Variants in SAAL1 observed in about 807,000 individuals in gnomAD.
SAAL1 encodes the protein serum amyloid A like 1.
In SAAL1, 42 loss-of-function variants were observed where a neutral mutation model predicts 59.8. That is an observed-to-expected ratio of 0.70 (90% confidence interval 0.55 to 0.91). The LOEUF (loss-of-function observed/expected upper bound fraction) is 0.91, where lower values mean the gene tolerates loss of function less well. Among genes scored for constraint, SAAL1 ranks in the 40% least tolerant of loss-of-function variants. The pLI, the probability that SAAL1 is intolerant of heterozygous loss-of-function variation, is 0.00. For missense variants in SAAL1, 542 were observed against 561.1 expected (o/e 0.97, Z 0.34); for synonymous variants, 191 against 194.3 (o/e 0.98, Z 0.14).
In SAAL1 at chr11:18,087,065, AG is replaced by A. The variant is rs1461764364; in HGVS notation, c.854-12del. On this transcript the variant is annotated splice_polypyrimidine_tract_variant and intron_variant, in intron 8 of 11. Coordinates refer to ENST00000524803, the MANE Select transcript of SAAL1 (RefSeq NM_138421.3). The stretch of plus-strand genomic sequence containing the variant: ...TGTCAGGACAATGTACTTAATAAAG[AG>A]GACAAATAAAGCAGTACTTTAAAAT... The A allele has an allele frequency of 1.6e-5, 25 of 1,610,424 alleles. No homozygotes were observed. The highest frequency in any genetic ancestry group is 2.0e-5 in the Non-Finnish European group (23 of 1,176,802).
intron 5 of SAAL1, 44 bp downstream of exon 5, chr11:18,090,390 C>T (rs541528391): frequency 7.0e-6 from 11 of 1,579,216 alleles, no homozygotes; most frequent in African/African-American, 2.8e-5. Context: ...TTCTTATCTA[C>T]TCTTATGAGT....
chr11:18,097,943 G>C (rs541798793), intron 2 of SAAL1, among the ~76,000 whole-genome samples: 2 of 152,022 alleles, frequency 1.3e-5, no homozygotes, highest in Non-Finnish European at 2.9e-5. Context: ...CCAGGAGTTC[G>C]AGACCAGCCT....
At chr11:18,102,981 A>G (rs900436946) in intron 2 of SAAL1, among the ~76,000 whole-genome samples, 1 of 152,168 alleles carries the variant, frequency 6.6e-6, no homozygotes, top group Non-Finnish European at 1.5e-5. Context: ...CCCGGCCTAC[A>G]TGTGTATAGG....
intron 10 of SAAL1, among the ~76,000 whole-genome samples, chr11:18,081,994 G>A (rs531964074): frequency 8.5e-5 from 13 of 152,132 alleles, no homozygotes; most frequent in Middle Eastern, 3.4e-3. Context: ...TAAACTGATC[G>A]TATCACTTGG....
chr11:18,081,722 C>T (rs1345348276), intron 10 of SAAL1: 4 of 513,322 alleles, frequency 7.8e-6, no homozygotes, highest in African/African-American at 1.9e-5. Context: ...CCCTGCTACA[C>T]AGACTACAAA....
At chr11:18,105,226 G>A (rs1267485951) in intron 1 of SAAL1, among the ~76,000 whole-genome samples, 1 of 151,904 alleles carries the variant, frequency 6.6e-6, no homozygotes, top group African/African-American at 2.4e-5. Context: ...CTGGAGTGCA[G>A]AAGCTGGATC....
rs748245750 is a variant in SAAL1, at chr11:18,080,468, T to C, written c.1356A>G (p.Leu452=). The C allele has an allele frequency of 6.3e-7, 1 of 1,583,084 alleles. No individual in the cohort carries two copies. ...SPVVEDFIKI[L]REVDKALADD... ...CAGCAAGCGCCTTATCAACTTCACG[T>C]AGGATTTTAATAAAATCTTCCACCT... Residue 452 remains leucine (L), a synonymous_variant, in exon 12 of 12, where the codon CTA becomes CTG. Transcript: ENST00000524803.
rs3741198 is a variant in SAAL1, at chr11:18,083,793, T to C, written c.1043-62A>G. ...TTAAGTTTGGTTTTTCATTCATATG[T>C]ATTGAATTAGTGCTAGACATTATTA... On this transcript the variant is annotated intron_variant, in intron 9 of 11. Transcript: ENST00000524803. 6,410 of 1,084,626 alleles carry C rather than the reference T, an allele frequency of 5.9e-3. 148 individuals are homozygous for C. The highest frequency in any genetic ancestry group is 0.057 in the East Asian group (2,380 of 41,758). 67.2% of individuals were successfully genotyped at this position (1,084,626 alleles called of 1,614,324 possible).
At chr11:18,104,425 T>A (rs1266117566) in intron 1 of SAAL1, among the ~76,000 whole-genome samples, 1 of 148,590 alleles carries the variant, frequency 6.7e-6, no homozygotes, top group Non-Finnish European at 1.5e-5. Flanking sequence ...TAAGATATAA[T>A]CCCTTACATT....
At chr11:18,084,063 G>A (rs1848437453) in intron 9 of SAAL1, among the ~76,000 whole-genome samples, 1 of 152,200 alleles carries the variant, frequency 6.6e-6, no homozygotes, top group Non-Finnish European at 1.5e-5. Context: ...GAGGTCAGGG[G>A]TGGTAGCTCA....
intron 3 of SAAL1, among the ~76,000 whole-genome samples, chr11:18,096,230 G>A (rs537605069): frequency 9.2e-5 from 14 of 152,070 alleles, no homozygotes; most frequent in African/African-American, 3.4e-4. Context: ...GGTCCGGCCT[G>A]AATCTAAAAT....
At position 18,103,344 on chromosome 11, in the gene SAAL1, A is replaced by G. The variant is rs374228988; in HGVS notation, c.138T>C (p.Ile46=). 2.5e-6 allele frequency: 4 copies of G among 1,607,542 alleles called. No homozygotes were observed. Among genetic ancestry groups the G allele is most frequent in the Admixed American group, 3.3e-5 (2 of 59,994 alleles). Residue 46 remains isoleucine, a splice_region_variant and synonymous_variant, in exon 2 of 12, where the codon ATT becomes ATC. Transcript: ENST00000524803. ...TAGATTTGGTGTTTTCAGGGCTAAC[A>G]ATCTTCAGAAACACAAAGAAAGAAA... is the stretch of plus-strand genomic sequence containing the variant. ...LFGVLSGLIQ[I]VSPENTKSSS...
At chr11:18,099,303 C>T (rs1304979328) in intron 2 of SAAL1, among the ~76,000 whole-genome samples, 1 of 152,208 alleles carries the variant, frequency 6.6e-6, no homozygotes, top group East Asian at 1.9e-4. Flanking sequence ...GCACAACATG[C>T]TACCTCTCAG....
At chr11:18,087,422 A>AATT (rs1848477622) in intron 7 of SAAL1, among the ~76,000 whole-genome samples, 197 bp from the exon 8 acceptor site, 1 of 152,176 alleles carries the variant, frequency 6.6e-6, no homozygotes, top group Non-Finnish European at 1.5e-5. Context: ...AAAATAAACA[A>AATT]ATATTATATA....
chr11:18,105,168 G>C (rs946481485), intron 1 of SAAL1, among the ~76,000 whole-genome samples: 1 of 151,996 alleles, frequency 6.6e-6, no homozygotes, highest in South Asian at 2.1e-4. Flanking sequence ...GGGTAAGGAA[G>C]CTGCGTTTTT....
In SAAL1 at chr11:18,080,486, T is replaced by G. The variant is rs773538883; in HGVS notation, c.1338A>C (p.Glu446Asp). The G allele has an allele frequency of 1.3e-6, 2 of 1,578,802 alleles. No homozygotes were observed. The highest frequency in any genetic ancestry group is 1.7e-6 in the Non-Finnish European group (2 of 1,169,476). Residue 446 changes from glutamate to aspartate, a missense_variant, in exon 12 of 12, where the codon GAA (glutamate) becomes GAC (aspartate). Coordinates refer to ENST00000524803, the MANE Select transcript of SAAL1 (RefSeq NM_138421.3). ...CTTCACGTAGGATTTTAATAAAATC[T>G]TCCACCTGTGAGTCAAACAAACAAA... Reference protein sequence around the residue: ...NLLPFYSPVVEDFIKILREVD... With the variant: ...NLLPFYSPVVDDFIKILREVD...
At chr11:18,081,578 G>C in intron 10 of SAAL1, 75 bp from the exon 11 acceptor site, 1 of 1,105,272 alleles carries the variant, frequency 9.0e-7, no homozygotes, top group Non-Finnish European at 1.4e-6. Context: ...AAACAAATCA[G>C]GATATTCAAT....
At position 18,080,331 on chromosome 11, in the gene SAAL1, G is replaced by T; in HGVS notation, c.*68C>A. 1 of 990,588 alleles carries T rather than the reference G, an allele frequency of 1.0e-6. No homozygotes were observed. The allele number at this position is 990,588 out of a possible 1,614,324, so 61.4% of individuals were successfully genotyped here. A position where few individuals can be genotyped will look rare whatever the true frequency, so the allele number is the denominator to read the frequency against. On this transcript the variant is annotated 3_prime_UTR_variant, in exon 12 of 12. Transcript: ENST00000524803. ...GGGCTTTAGTTAATATTTCCAATAA[G>T]TCAATTTCAACTGTCAGTGAGAAAA... is the stretch of plus-strand genomic sequence containing the variant.
chr11:18,089,265 A>T, intron 7 of SAAL1, 65 bp downstream of exon 7: 1 of 1,372,626 alleles, frequency 7.3e-7, no homozygotes, highest in South Asian at 1.5e-5. Context: ...GAAGACTTTT[A>T]TATCTGAGAA....
Sources: allele counts gnomAD v4.1 joint callset (sites outside exome capture counted in the v4.1 genomes callset), GRCh38; gene constraint gnomAD v4.1.1; transcripts MANE v1.5; gene names NCBI Gene and HGNC (gene_info 2026-07-23, HGNC 2026-07-21).